The following SH3RF2 variants were observed in gnomAD, a reference collection of about 807,000 sequenced individuals.
SH3RF2 encodes the protein SH3 domain containing ring finger 2, also known as E3 ubiquitin-protein ligase SH3RF2.
A neutral mutation model predicts 59.0 loss-of-function variants in SH3RF2; 43 were observed. That is an observed-to-expected ratio of 0.73 (90% confidence interval 0.57 to 0.94). The LOEUF is 0.94. SH3RF2 is among the 40% of genes least tolerant of loss of function. SH3RF2 has a pLI of 0.00. For synonymous variants in SH3RF2, 391 were observed against 391.5 expected, an observed-to-expected ratio of 1.00 and a Z score of 0.01; for missense variants, 930 against 940.1, an observed-to-expected ratio of 0.99 and a Z score of 0.14.
downstream of SH3RF2, among the ~76,000 whole-genome samples, chr5:146,064,706 GAAAGAAAGAAAGAAAGA>G (rs1561773349): frequency 3.2e-4 from 6 of 18,598 alleles, no homozygotes; most frequent in African/African-American, 1.0e-3. Context: ...AAGAAAGAAA[GAAAGAAAGAAAGAAAGA>G]AAGAAAGGAA....
intron 2 of SH3RF2, among the ~76,000 whole-genome samples, chr5:145,974,253 G>A (rs963638653): frequency 7.9e-5 from 12 of 152,156 alleles, no homozygotes; most frequent in Non-Finnish European, 1.8e-4. Context: ...AGAGAGTGTC[G>A]AGCAAGACGG....
intron 2 of SH3RF2, among the ~76,000 whole-genome samples, chr5:145,981,350 G>C (rs6897115): frequency 0.13 from 19,384 of 151,948 alleles, 1,392 homozygotes; most frequent in East Asian, 0.25. Context: ...CCTCCCACCT[G>C]AGTCTCCCAA....
intron 4 of SH3RF2, among the ~76,000 whole-genome samples, chr5:146,004,740 A>G (rs1162265581): frequency 6.6e-6 from 1 of 152,118 alleles, no homozygotes; most frequent in African/African-American, 2.4e-5. Flanking sequence ...TTAATATCAT[A>G]AAATGTTCAA....
At chr5:146,042,067 G>T (rs1476768734) in intron 5 of SH3RF2, among the ~76,000 whole-genome samples, 1 of 152,194 alleles carries the variant, frequency 6.6e-6, no homozygotes, top group Admixed American at 6.5e-5. Flanking sequence ...TTCACACTTT[G>T]CTGGGGAAGA....
chr5:146,014,885 G>A (rs1761046027), intron 5 of SH3RF2, among the ~76,000 whole-genome samples: 1 of 152,200 alleles, frequency 6.6e-6, no homozygotes, highest in African/African-American at 2.4e-5. Context: ...AGTATTTCTA[G>A]CAGCATGTGG....
chr5:146,051,450 A>T lies in SH3RF2; in HGVS notation c.1322+2205A>T, dbSNP rs542214476. ...GATATCATAATCCTGGGGAGAGGTG[A>T]TGGTGAATTGAACCGAAGTGTTAGC... On this transcript the variant is annotated intron_variant, in intron 7 of 9. Coordinates refer to ENST00000359120, the MANE Select transcript of SH3RF2 (RefSeq NM_152550.4). Among the ~76,000 whole-genome samples the T allele has an allele frequency of 1.2e-3, 187 of 152,340 alleles. 1 individual carries two copies. The highest frequency in any genetic ancestry group is 3.4e-3 in the Middle Eastern group (1 of 294).
At chr5:146,069,727 C>A (rs1370989615) in intron 9 of SH3RF2, among the ~76,000 whole-genome samples, 2 of 152,200 alleles carry the variant, frequency 1.3e-5, no homozygotes, top group South Asian at 2.1e-4. Context: ...GCGTGTGCCA[C>A]CACACCCAGC....
intron 5 of SH3RF2, among the ~76,000 whole-genome samples, chr5:146,019,809 C>T (rs918208000): frequency 3.3e-5 from 5 of 151,946 alleles, no homozygotes; most frequent in African/African-American, 1.2e-4. Context: ...TTGTAGAGAT[C>T]TTTCACCTCC....
intron 5 of SH3RF2, among the ~76,000 whole-genome samples, chr5:146,024,390 A>G (rs964788280): frequency 2.0e-5 from 3 of 151,968 alleles, no homozygotes; most frequent in Non-Finnish European, 4.4e-5. Context: ...CTGTTTTTTT[A>G]TATCCTTTGC....
chr5:146,075,154 C>G (rs976032103), intron 9 of SH3RF2, among the ~76,000 whole-genome samples: 1 of 152,108 alleles, frequency 6.6e-6, no homozygotes, highest in African/African-American at 2.4e-5. Flanking sequence ...TGTTTAATGA[C>G]CTGTTTCTAC....
At chr5:146,074,262 A>G (rs1441097819) in intron 9 of SH3RF2, among the ~76,000 whole-genome samples, 3 of 152,170 alleles carry the variant, frequency 2.0e-5, no homozygotes, top group African/African-American at 7.2e-5. Context: ...TTTTTCATTT[A>G]TCAAACATTT....
chr5:145,938,343 T>C, intron 2 of SH3RF2, 37 bp downstream of exon 2: 1 of 1,501,896 alleles, frequency 6.7e-7, no homozygotes, highest in Non-Finnish European at 8.8e-7. Flanking sequence ...CATGTCCACA[T>C]AGAGGTTGGA....
intron 2 of SH3RF2, among the ~76,000 whole-genome samples, chr5:145,984,065 C>A (rs1316991979): frequency 1.3e-5 from 2 of 151,976 alleles, no homozygotes; most frequent in East Asian, 3.9e-4. Context: ...TATTGATTTA[C>A]TCTTCCATTT....
intron 2 of SH3RF2, chr5:145,997,175 C>G (rs548275282): frequency 2.9e-5 from 21 of 736,818 alleles, no homozygotes; most frequent in South Asian, 2.0e-4. Flanking sequence ...TTCTCCCCAG[C>G]ATTTACCATT....
chr5:146,068,353 A>G (rs1158327081), intron 9 of SH3RF2, among the ~76,000 whole-genome samples: 1 of 152,218 alleles, frequency 6.6e-6, no homozygotes, highest in African/African-American at 2.4e-5. Context: ...AGTCCTATCA[A>G]GTCTCTCCAG....
At chr5:146,013,008 C>T (rs1760966339) in intron 4 of SH3RF2, among the ~76,000 whole-genome samples, 1 of 151,944 alleles carries the variant, frequency 6.6e-6, no homozygotes, top group African/African-American at 2.4e-5. Flanking sequence ...ACCAATACAT[C>T]ACTGACTAAG....
At chr5:146,053,223 AGAT>A (rs1762558002) in intron 7 of SH3RF2, among the ~76,000 whole-genome samples, 1 of 152,250 alleles carries the variant, frequency 6.6e-6, no homozygotes, top group Admixed American at 6.5e-5. Context: ...CCTCGGTGCT[AGAT>A]GATGACACCA....
At chr5:146,015,615 G>A (rs1303015680) in intron 5 of SH3RF2, among the ~76,000 whole-genome samples, 1 of 152,206 alleles carries the variant, frequency 6.6e-6, no homozygotes, top group Non-Finnish European at 1.5e-5. Context: ...TCAGCTCTAA[G>A]TTGGCTTCGC....
chr5:146,027,072 C>T (rs976983747), intron 5 of SH3RF2, among the ~76,000 whole-genome samples: 3 of 152,312 alleles, frequency 2.0e-5, no homozygotes, highest in South Asian at 4.1e-4. Context: ...CCACATGCTT[C>T]AGAGATGATC....
Sources: gnomAD v4.1 joint callset for allele counts (sites outside exome capture counted in the v4.1 genomes callset) on GRCh38, gnomAD v4.1.1 for gene constraint, MANE v1.5 for transcripts, NCBI Gene and HGNC (gene_info 2026-07-23, HGNC 2026-07-21) for gene names.